The following XKR4 variants were observed in gnomAD, a reference collection of about 807,000 sequenced individuals.
XKR4 encodes the protein XK related 4, also known as XK-related protein 4.
Under a neutral mutation model 53.9 loss-of-function variants are expected in XKR4, and 12 were observed. The ratio of observed to expected loss-of-function variants is 0.22; its 90% CI spans 0.14 to 0.36. The LOEUF (loss-of-function observed/expected upper bound fraction) is 0.36, where lower values mean the gene tolerates loss of function less well. XKR4 is among the 10% of genes least tolerant of loss of function. The pLI, the probability that XKR4 is intolerant of heterozygous loss-of-function variation, is 1.00. For synonymous variants in XKR4, 354 were observed against 362.4 expected, an observed-to-expected ratio of 0.98 and a Z score of 0.26; for missense variants, 799 against 859.5, an observed-to-expected ratio of 0.93 and a Z score of 0.88.
intron 2 of XKR4, among the ~76,000 whole-genome samples, chr8:55,425,340 C>T (rs1804995945): frequency 6.6e-6 from 1 of 152,176 alleles, no homozygotes; most frequent in Non-Finnish European, 1.5e-5. Flanking sequence ...TGGCCCCTCA[C>T]CGTTTGGGAA....
At chr8:55,453,602 G>A in intron 2 of XKR4, 1 of 407,872 alleles carries the variant, frequency 2.5e-6, no homozygotes, top group Admixed American at 3.2e-5. Flanking sequence ...GGCTAGGGGT[G>A]CACCTTGCAT....
intron 2 of XKR4, among the ~76,000 whole-genome samples, chr8:55,509,534 G>T (rs1315506639): frequency 6.6e-6 from 1 of 152,182 alleles, no homozygotes; most frequent in Non-Finnish European, 1.5e-5. Flanking sequence ...AATTTGGCAG[G>T]TCTGCTAAAA....
chr8:55,287,232 G>T (rs76444685), intron 1 of XKR4, among the ~76,000 whole-genome samples: 6,050 of 151,412 alleles, frequency 0.04, 312 homozygotes, highest in African/African-American at 0.11. Flanking sequence ...TCAAAATAAA[G>T]ATTAGAAGTG....
intron 1 of XKR4, among the ~76,000 whole-genome samples, chr8:55,105,628 A>C (rs1276362900): frequency 6.6e-6 from 1 of 152,252 alleles, no homozygotes; most frequent in African/African-American, 2.4e-5. Flanking sequence ...TAATGTGTGT[A>C]GTAGATAAGT....
intron 1 of XKR4, among the ~76,000 whole-genome samples, chr8:55,185,319 T>C (rs1336287613): frequency 1.3e-5 from 2 of 152,228 alleles, no homozygotes; most frequent in Non-Finnish European, 2.9e-5. Context: ...ACCACTGGCA[T>C]TGAGGCAATA....
chr8:55,191,275 G>A (rs926788391), intron 1 of XKR4, among the ~76,000 whole-genome samples: 10 of 152,062 alleles, frequency 6.6e-5, no homozygotes, highest in African/African-American at 1.7e-4. Context: ...CTCCCAAATC[G>A]TGCAACCATC....
At chr8:55,490,938 C>G (rs1314836826) in intron 2 of XKR4, among the ~76,000 whole-genome samples, 2 of 151,954 alleles carry the variant, frequency 1.3e-5, no homozygotes, top group Non-Finnish European at 2.9e-5. Context: ...CTGCCCCCCC[C>G]CCACCTTTAT....
chr8:55,531,949 C>T lies in XKR4; in HGVS notation c.*7722C>T, dbSNP rs1351825779. On this transcript the variant is annotated 3_prime_UTR_variant, in exon 3 of 3. Coordinates refer to ENST00000327381, the MANE Select transcript of XKR4 (RefSeq NM_052898.2). The stretch of plus-strand genomic sequence containing the variant: ...GGAGTCAGGAGTCAGGACAGTCAGC[C>T]CCAGCTTCCTGGGGAAACCCACACT... The T allele has an allele frequency of 6.6e-6, 1 of 152,372 alleles. No homozygotes were observed. Among genetic ancestry groups the T allele is most frequent in the Non-Finnish European group, 1.5e-5 (1 of 68,064 alleles). The allele number at this position is 152,372 out of a possible 1,614,324, so 9.4% of individuals were successfully genotyped here. A position where few individuals can be genotyped will look rare whatever the true frequency, so the allele number is the denominator to read the frequency against.
intron 2 of XKR4, among the ~76,000 whole-genome samples, chr8:55,395,198 T>C (rs1325917213): frequency 6.6e-6 from 1 of 152,020 alleles, no homozygotes; most frequent in African/African-American, 2.4e-5. Flanking sequence ...AAGTTAGGAA[T>C]TGTTCGAGGA....
chr8:55,339,155 C>T lies in XKR4; in HGVS notation c.807-18523C>T, dbSNP rs181419408. Among the ~76,000 whole-genome samples the T allele has an allele frequency of 5.3e-5, 8 of 152,242 alleles. No homozygotes were observed. The East Asian group carries it at 7.7e-4, about 15-fold the overall frequency. On this transcript the variant is annotated intron_variant, in intron 1 of 2. Coordinates refer to ENST00000327381, the MANE Select transcript of XKR4 (RefSeq NM_052898.2). Reference sequence around the variant, plus strand: ...GACAAATTTTCCTGGACTGGAAACGCGAGGCTGTTTGATAACATAGGATGC... The same window carrying T: ...GACAAATTTTCCTGGACTGGAAACGTGAGGCTGTTTGATAACATAGGATGC...
intron 1 of XKR4, among the ~76,000 whole-genome samples, chr8:55,343,683 C>T (rs1211634763): frequency 6.6e-6 from 1 of 152,128 alleles, no homozygotes; most frequent in African/African-American, 2.4e-5. Context: ...TCAAGAAAGT[C>T]CTCCTATTCA....
chr8:55,462,316 T>A (rs1021510681), intron 2 of XKR4, among the ~76,000 whole-genome samples: 6 of 152,168 alleles, frequency 3.9e-5, no homozygotes, highest in Non-Finnish European at 5.9e-5. Flanking sequence ...TGGGGGCCAA[T>A]ATTCAACATT....
At chr8:55,429,632 G>T (rs1585568775) in intron 2 of XKR4, among the ~76,000 whole-genome samples, 1 of 151,950 alleles carries the variant, frequency 6.6e-6, no homozygotes, top group South Asian at 2.1e-4. Flanking sequence ...GTGGGGCACT[G>T]AGGTAGAAGG....
chr8:55,119,054 G>T (rs1563460734), intron 1 of XKR4, among the ~76,000 whole-genome samples: 1 of 152,074 alleles, frequency 6.6e-6, no homozygotes, highest in East Asian at 1.9e-4. Flanking sequence ...AGATACTGTG[G>T]AGTGAAAATG....
intron 2 of XKR4, among the ~76,000 whole-genome samples, chr8:55,424,309 A>C (rs1418402139): frequency 6.6e-6 from 1 of 152,252 alleles, no homozygotes; most frequent in Non-Finnish European, 1.5e-5. Flanking sequence ...CAAGTAGACC[A>C]TAACCATAAT....
chr8:55,395,588 T>C (rs1425917489), intron 2 of XKR4, among the ~76,000 whole-genome samples: 1 of 152,074 alleles, frequency 6.6e-6, no homozygotes, highest in Non-Finnish European at 1.5e-5. Flanking sequence ...AGTGAGGGTC[T>C]TTGAGAGGAG....
At chr8:55,155,430 T>C (rs551232014) in intron 1 of XKR4, among the ~76,000 whole-genome samples, 1 of 151,852 alleles carries the variant, frequency 6.6e-6, no homozygotes, top group Non-Finnish European at 1.5e-5. Flanking sequence ...GAGTAGAAGA[T>C]TTCAAAATAG....
At chr8:55,265,652 A>C (rs1253931469) in intron 1 of XKR4, among the ~76,000 whole-genome samples, 1 of 151,488 alleles carries the variant, frequency 6.6e-6, no homozygotes, top group East Asian at 2.0e-4. Flanking sequence ...CTAGGAGCCT[A>C]GGAGCCTGGG....
chr8:55,258,528 C>G (rs1368469479), intron 1 of XKR4, among the ~76,000 whole-genome samples: 1 of 152,064 alleles, frequency 6.6e-6, no homozygotes, highest in Admixed American at 6.5e-5. Context: ...TTATGAGAAA[C>G]CTAAAGCGGG....
Sources: gnomAD v4.1 joint callset for allele counts (sites outside exome capture counted in the v4.1 genomes callset) on GRCh38, gnomAD v4.1.1 for gene constraint, MANE v1.5 for transcripts, NCBI Gene and HGNC (gene_info 2026-07-23, HGNC 2026-07-21) for gene names.